The following PTPRD variants were observed in gnomAD, a reference collection of about 807,000 sequenced individuals.
PTPRD encodes the protein receptor-type tyrosine-protein phosphatase delta.
A neutral mutation model predicts 214.5 loss-of-function variants in PTPRD; 34 were observed. The observed-to-expected ratio is 0.16, with a 90% confidence interval of 0.12 to 0.21. PTPRD has a LOEUF of 0.21. PTPRD is among the 10% of genes least tolerant of loss of function. The probability of loss-of-function intolerance (pLI) is 1.00; values close to 1 mark genes in which losing one functional copy is unlikely to be tolerated. For synonymous variants in PTPRD, 1,128 were observed against 845.7 expected (o/e 1.33, Z -5.79); for missense variants, 2,545 against 2,398.7 (o/e 1.06, Z -1.27).
chr9:9,715,222 T>A (rs902960918), intron 7 of PTPRD, among the ~76,000 whole-genome samples: 1 of 152,198 alleles, frequency 6.6e-6, no homozygotes, highest in African/African-American at 2.4e-5. Flanking sequence ...GTACTGCAAT[T>A]TATGACTTTC....
chr9:8,794,187 A>G (rs2096333637), intron 11 of PTPRD, among the ~76,000 whole-genome samples: 1 of 152,210 alleles, frequency 6.6e-6, no homozygotes, highest in South Asian at 2.1e-4. Flanking sequence ...ATGCAAAAAC[A>G]TCTGCTCCCT....
chr9:8,415,368 T>C (rs534121647), intron 35 of PTPRD, among the ~76,000 whole-genome samples: 4 of 152,298 alleles, frequency 2.6e-5, no homozygotes, highest in African/African-American at 7.2e-5. Context: ...ATGTATTCAA[T>C]TGTGATTGGA....
intron 2 of PTPRD, among the ~76,000 whole-genome samples, chr9:10,528,627 G>A (rs2134535941): frequency 6.6e-6 from 1 of 152,282 alleles, no homozygotes; most frequent in East Asian, 1.9e-4. Flanking sequence ...ATAAATAGAT[G>A]TTTGATCACC....
chr9:9,168,744 A>G lies in PTPRD; in HGVS notation c.-143+14560T>C, dbSNP rs143500439. 6.8e-4 allele frequency among the ~76,000 whole-genome samples: 104 copies of G among 152,246 alleles called. No individual in the cohort carries two copies. In the East Asian group the frequency reaches 0.013, roughly 20 times the overall value. The stretch of plus-strand genomic sequence containing the variant: ...AAAAAGCCAACAGACAAAAATAATA[A>G]TAATTCTATTTTCAACTTCATGCTT... On this transcript the variant is annotated intron_variant, in intron 10 of 45. Transcript: ENST00000381196.
At chr9:9,625,743 C>G (rs562908070) in intron 7 of PTPRD, among the ~76,000 whole-genome samples, 1 of 152,092 alleles carries the variant, frequency 6.6e-6, no homozygotes, top group Non-Finnish European at 1.5e-5. Flanking sequence ...GAAGTTTCTT[C>G]ACATGCAACA....
intron 4 of PTPRD, among the ~76,000 whole-genome samples, chr9:10,005,593 G>T (rs957335425): frequency 1.3e-5 from 2 of 152,018 alleles, no homozygotes; most frequent in African/African-American, 4.8e-5. Flanking sequence ...AGAAATAGTA[G>T]AAATGTCTAG....
intron 5 of PTPRD, among the ~76,000 whole-genome samples, chr9:9,775,363 G>A (rs2098789274): frequency 6.6e-6 from 1 of 152,020 alleles, no homozygotes; most frequent in Admixed American, 6.6e-5. Flanking sequence ...AGGAGATCAG[G>A]GTCCTAAATT....
At chr9:8,777,753 C>T (rs774659587) in intron 11 of PTPRD, among the ~76,000 whole-genome samples, 1 of 152,150 alleles carries the variant, frequency 6.6e-6, no homozygotes. Context: ...ACTGTACTTC[C>T]TGATTTATGC....
intron 11 of PTPRD, among the ~76,000 whole-genome samples, chr9:8,765,738 C>T (rs761679453): frequency 1.2e-4 from 19 of 152,170 alleles, no homozygotes; most frequent in Non-Finnish European, 2.8e-4. Flanking sequence ...TAGCTAACTA[C>T]TACAGTATTA....
At chr9:9,295,123 G>A (rs1005008359) in intron 9 of PTPRD, among the ~76,000 whole-genome samples, 5 of 151,702 alleles carry the variant, frequency 3.3e-5, no homozygotes, top group South Asian at 2.1e-4. Flanking sequence ...ATGAAAAGCT[G>A]GGTAATCAGG....
chr9:10,051,350 C>T (rs2097531710), intron 3 of PTPRD, among the ~76,000 whole-genome samples: 1 of 152,244 alleles, frequency 6.6e-6, no homozygotes, highest in African/African-American at 2.4e-5. Context: ...AGCCCTCTTG[C>T]AGCTAGCACA....
intron 11 of PTPRD, among the ~76,000 whole-genome samples, chr9:8,797,427 T>G (rs1308182811): frequency 6.6e-6 from 1 of 152,230 alleles, no homozygotes; most frequent in African/African-American, 2.4e-5. Flanking sequence ...GTTTATTCGG[T>G]GCTAGCACAC....
intron 10 of PTPRD, among the ~76,000 whole-genome samples, chr9:9,137,882 T>C (rs994777218): frequency 3.3e-5 from 5 of 152,168 alleles, no homozygotes; most frequent in African/African-American, 9.6e-5. Flanking sequence ...AATAATATCA[T>C]CTTCCATTTC....
At chr9:9,128,232 G>A (rs1288038804) in intron 10 of PTPRD, among the ~76,000 whole-genome samples, 3 of 152,050 alleles carry the variant, frequency 2.0e-5, no homozygotes, top group Non-Finnish European at 2.9e-5. Context: ...ATTGTTAATA[G>A]GTCTTTCTAA....
chr9:10,232,748 T>C (rs997134998), intron 3 of PTPRD, among the ~76,000 whole-genome samples: 4 of 151,930 alleles, frequency 2.6e-5, no homozygotes, highest in Admixed American at 1.3e-4. Context: ...AACAAACTGA[T>C]AGGGAATGAG....
chr9:9,960,953 C>T (rs1393418085), intron 4 of PTPRD, among the ~76,000 whole-genome samples: 2 of 151,856 alleles, frequency 1.3e-5, no homozygotes, highest in African/African-American at 2.4e-5. Context: ...TGAACTCAAA[C>T]AAATTTACAA....
intron 3 of PTPRD, among the ~76,000 whole-genome samples, chr9:10,080,827 G>A (rs1234122719): frequency 6.6e-6 from 1 of 151,938 alleles, no homozygotes; most frequent in Admixed American, 6.6e-5. Flanking sequence ...TAAATTTCTG[G>A]CAAGCTAGAC....
chr9:9,807,540 T>C (rs571981897), intron 5 of PTPRD, among the ~76,000 whole-genome samples: 3 of 152,278 alleles, frequency 2.0e-5, no homozygotes, highest in African/African-American at 7.2e-5. Flanking sequence ...CATTTTCCCA[T>C]ATGCCCCAAG....
chr9:8,582,679 A>G (rs902995483), intron 14 of PTPRD, among the ~76,000 whole-genome samples: 2 of 152,198 alleles, frequency 1.3e-5, no homozygotes, highest in African/African-American at 4.8e-5. Context: ...AAATTTAACA[A>G]TAAGATACTA....
Sources: allele counts gnomAD v4.1 joint callset (sites outside exome capture counted in the v4.1 genomes callset), GRCh38; gene constraint gnomAD v4.1.1; transcripts MANE v1.5; gene names NCBI Gene and HGNC (gene_info 2026-07-23, HGNC 2026-07-21).